IL1RAPL1: variants seen among roughly 807,000 people sequenced by gnomAD.
IL1RAPL1 encodes the protein interleukin 1 receptor accessory protein like 1.
In IL1RAPL1, 3 loss-of-function variants were observed where a neutral mutation model predicts 48.4. The ratio of observed to expected loss-of-function variants is 0.06; its 90% CI spans 0.03 to 0.16. The LOEUF is 0.16. Among genes scored for constraint, IL1RAPL1 ranks in the 10% least tolerant of loss-of-function variants. The probability of loss-of-function intolerance (pLI) is 1.00; values close to 1 mark genes in which losing one functional copy is unlikely to be tolerated. For missense variants in IL1RAPL1, 349 were observed against 530.6 expected (o/e 0.66, Z 3.36); for synonymous variants, 185 against 187.7 (o/e 0.99, Z 0.12).
chrX:29,712,993 T>G (rs1485806667), intron 6 of IL1RAPL1, among the ~76,000 whole-genome samples: 1 of 112,077 alleles, frequency 8.9e-6, no homozygotes, highest in Non-Finnish European at 1.9e-5. Context: ...TCAAACAAAT[T>G]TTTTTAGCCA....
intron 1 of IL1RAPL1, among the ~76,000 whole-genome samples, chrX:28,665,770 C>T (rs1934869778): frequency 8.9e-6 from 1 of 111,989 alleles, no homozygotes; most frequent in African/African-American, 3.2e-5. Context: ...GGATTACAAG[C>T]GTGAGCCACC....
chrX:29,169,650 A>G (rs955155612), intron 2 of IL1RAPL1, among the ~76,000 whole-genome samples: 2 of 111,087 alleles, frequency 1.8e-5, no homozygotes, highest in East Asian at 2.8e-4. Context: ...AAGAGTATTC[A>G]TCGTTGCCTC....
intron 3 of IL1RAPL1, among the ~76,000 whole-genome samples, chrX:29,345,009 A>C (rs1422347048): frequency 8.9e-6 from 1 of 112,960 alleles, no homozygotes; most frequent in African/African-American, 3.2e-5. Flanking sequence ...TTCGTAGATC[A>C]TCTTTTTAAC....
At chrX:29,347,150 A>G (rs1251471730) in intron 3 of IL1RAPL1, among the ~76,000 whole-genome samples, 2 of 110,765 alleles carry the variant, frequency 1.8e-5, no homozygotes, top group African/African-American at 6.6e-5. Context: ...GATAGTACTG[A>G]ACCTGATTTT....
At chrX:29,795,192 T>G (rs893158353) in intron 6 of IL1RAPL1, among the ~76,000 whole-genome samples, 33 of 111,969 alleles carry the variant, frequency 2.9e-4, no homozygotes, top group African/African-American at 1.0e-3. Context: ...ATACATGTTA[T>G]ATATCTATAT....
chrX:28,763,221 T>G (rs1936197068), intron 1 of IL1RAPL1, among the ~76,000 whole-genome samples: 1 of 111,390 alleles, frequency 9.0e-6, no homozygotes, highest in Admixed American at 9.6e-5. Flanking sequence ...GAGAGGCTGT[T>G]ATGAGAAGAG....
At chrX:29,381,474 G>A (rs1933696661) in intron 3 of IL1RAPL1, among the ~76,000 whole-genome samples, 2 of 62,116 alleles carry the variant, frequency 3.2e-5, no homozygotes, top group Non-Finnish European at 5.4e-5. Context: ...GAGTAACATA[G>A]GGAGACCTCA....
intron 6 of IL1RAPL1, among the ~76,000 whole-genome samples, chrX:29,886,227 C>A (rs188203788): frequency 1.1e-3 from 118 of 112,285 alleles, no homozygotes; most frequent in African/African-American, 3.5e-3. Context: ...CAAAAGCAAG[C>A]GTTTTACATT....
intron 1 of IL1RAPL1, among the ~76,000 whole-genome samples, chrX:28,653,924 C>G (rs1934717813): frequency 9.0e-6 from 1 of 111,711 alleles, no homozygotes; most frequent in Admixed American, 9.5e-5. Flanking sequence ...TGTATAGACC[C>G]TTTTATATAT....
chrX:29,002,703 T>C (rs973252532), intron 2 of IL1RAPL1, among the ~76,000 whole-genome samples: 2 of 111,987 alleles, frequency 1.8e-5, no homozygotes, highest in African/African-American at 6.5e-5. Flanking sequence ...TAGATTTCAA[T>C]TGAAATATTG....
chrX:28,709,516 A>G (rs888902863), intron 1 of IL1RAPL1, among the ~76,000 whole-genome samples: 1 of 111,101 alleles, frequency 9.0e-6, no homozygotes, highest in African/African-American at 3.3e-5. Flanking sequence ...TGCCAGTTTT[A>G]TCAGAACAGG....
chrX:29,168,574 C>T (rs867768091), intron 2 of IL1RAPL1, among the ~76,000 whole-genome samples: 1 of 64,338 alleles, frequency 1.6e-5, no homozygotes, highest in African/African-American at 4.5e-5. Context: ...TATATATACA[C>T]ACACAATTGT....
At chrX:29,449,780 C>CAGAGAGAGAG (rs59465141) in intron 5 of IL1RAPL1, among the ~76,000 whole-genome samples, 50 of 58,237 alleles carry the variant, frequency 8.6e-4, no homozygotes, top group African/African-American at 2.9e-3. Context: ...CACACACACA[C>CAGAGAGAGAG]AGAGAGAGAG....
intron 2 of IL1RAPL1, among the ~76,000 whole-genome samples, chrX:29,081,561 T>C (rs1927844757): frequency 1.8e-5 from 2 of 111,620 alleles, no homozygotes; most frequent in Non-Finnish European, 3.8e-5. Flanking sequence ...ATCTATATTG[T>C]CCAAAGTACC....
chrX:29,538,173 T>C (rs1436013897), intron 5 of IL1RAPL1, among the ~76,000 whole-genome samples: 2 of 108,768 alleles, frequency 1.8e-5, no homozygotes, highest in Non-Finnish European at 3.8e-5. Context: ...ATTAAAAATA[T>C]ATTATTTTGT....
In IL1RAPL1 at chrX:29,803,346, T is replaced by C. The variant is rs753477706; in HGVS notation, c.779-114118T>C. 1.5e-4 allele frequency among the ~76,000 whole-genome samples: 12 copies of C among 80,305 alleles called. No homozygotes were observed. The South Asian group carries it at 5.0e-3, about 33-fold the overall frequency. 69.7% of individuals were successfully genotyped at this position (80,305 alleles called of 115,157 possible). A position where few individuals can be genotyped will look rare whatever the true frequency, so the allele number is the denominator to read the frequency against. ...GTATACATGTATACACATATGTATA[T>C]ATGTATACATGTATACACATATGTA... On this transcript the variant is annotated intron_variant, in intron 6 of 10. Coordinates refer to ENST00000378993, the MANE Select transcript of IL1RAPL1 (RefSeq NM_014271.4).
intron 2 of IL1RAPL1, among the ~76,000 whole-genome samples, chrX:29,183,467 A>G (rs997163932): frequency 3.6e-5 from 4 of 111,525 alleles, no homozygotes; most frequent in Non-Finnish European, 7.5e-5. Context: ...TGTGGAATAA[A>G]GTGCAAGCAG....
In IL1RAPL1 at chrX:29,098,663, G is replaced by A. The variant is rs1313786719; in HGVS notation, c.83-184275G>A. On this transcript the variant is annotated intron_variant, in intron 2 of 10. Coordinates refer to ENST00000378993, the MANE Select transcript of IL1RAPL1 (RefSeq NM_014271.4). Reference sequence around the variant, plus strand: ...AATTCAAAAAGTTACTGAGGTCACTGGTGTGCACCTGAGAGTTTGAGAAGC... The same window carrying A: ...AATTCAAAAAGTTACTGAGGTCACTAGTGTGCACCTGAGAGTTTGAGAAGC... Among the ~76,000 whole-genome samples, 6 of 111,377 alleles carry A rather than the reference G, an allele frequency of 5.4e-5. No individual in the cohort carries two copies. In the East Asian group the frequency reaches 1.7e-3, roughly 32 times the overall value.
chrX:29,680,112 A>G (rs1344354953), intron 6 of IL1RAPL1, among the ~76,000 whole-genome samples: 1 of 111,621 alleles, frequency 9.0e-6, no homozygotes, highest in Non-Finnish European at 1.9e-5. Context: ...TTGAAGAATC[A>G]CAGGATTTAA....
Sources: gnomAD v4.1 joint callset for allele counts (sites outside exome capture counted in the v4.1 genomes callset) on GRCh38, gnomAD v4.1.1 for gene constraint, MANE v1.5 for transcripts, NCBI Gene and HGNC (gene_info 2026-07-23, HGNC 2026-07-21) for gene names.